The following TOM1L1 variants were observed in gnomAD, a reference collection of about 807,000 sequenced individuals.
TOM1L1 encodes the protein TOM1-like protein 1.
Under a neutral mutation model 63.4 loss-of-function variants are expected in TOM1L1, and 64 were observed. The ratio of observed to expected loss-of-function variants is 1.01; its 90% CI spans 0.83 to 1.24. The LOEUF is 1.24. Among genes scored for constraint, TOM1L1 ranks in the 50% most tolerant of loss-of-function variants. The pLI is 0.00. For missense variants in TOM1L1, 536 were observed against 567.0 expected (o/e 0.95, Z 0.55); for synonymous variants, 166 against 194.4 (o/e 0.85, Z 1.22).
rs750795242 is a variant in TOM1L1, at chr17:54,961,788, A to G, written c.*555A>G. The stretch of plus-strand genomic sequence containing the variant: ...TAATTATATTTCAGGTGTCCTGAAC[A>G]GGTCACTAGACTCTACATTGGGCAG... On this transcript the variant is annotated 3_prime_UTR_variant, in exon 16 of 16. Transcript: ENST00000575882. The G allele has an allele frequency of 1.5e-5, 15 of 992,852 alleles. No homozygotes were observed. The highest frequency in any genetic ancestry group is 1.7e-5 in the Non-Finnish European group (14 of 834,436). 61.5% of individuals were successfully genotyped at this position (992,852 alleles called of 1,614,324 possible). A position where few individuals can be genotyped will look rare whatever the true frequency, so the allele number is the denominator to read the frequency against.
At chr17:54,938,779 T>C (rs539389357) in intron 10 of TOM1L1, 145 bp from the exon 11 acceptor site, 1 of 514,598 alleles carries the variant, frequency 1.9e-6, no homozygotes, top group Admixed American at 3.9e-5. Flanking sequence ...GTGACAGAAA[T>C]ATCTAAATTA....
At chr17:54,910,795 A>G (rs2048485407) in intron 3 of TOM1L1, among the ~76,000 whole-genome samples, 1 of 151,922 alleles carries the variant, frequency 6.6e-6, no homozygotes, top group South Asian at 2.1e-4. Flanking sequence ...ATGTTTCTAT[A>G]TTTTCTGATT....
chr17:54,912,869 A>G (rs2048519068), intron 4 of TOM1L1, 54 bp downstream of exon 4: 2 of 1,391,768 alleles, frequency 1.4e-6, no homozygotes, highest in South Asian at 1.6e-5. Flanking sequence ...TAGGGATTTA[A>G]TAGCTTACCT....
At chr17:54,921,821 A>C (rs2048688968) in intron 7 of TOM1L1, among the ~76,000 whole-genome samples, 1 of 152,200 alleles carries the variant, frequency 6.6e-6, no homozygotes, top group African/African-American at 2.4e-5. Context: ...CACTGACCCC[A>C]CAGTGTAGTT....
At chr17:54,933,667 C>T (rs1016874410) in intron 8 of TOM1L1, among the ~76,000 whole-genome samples, 2 of 152,154 alleles carry the variant, frequency 1.3e-5, no homozygotes, top group African/African-American at 4.8e-5. Context: ...GGACGACAAG[C>T]GTGTACCACC....
intron 5 of TOM1L1, 104 bp downstream of exon 5, chr17:54,913,977 A>G (rs1359241149): frequency 1.6e-5 from 21 of 1,320,954 alleles, no homozygotes; most frequent in Non-Finnish European, 1.6e-5. Context: ...AAGCAAAAAG[A>G]TGAAGTTATT....
chr17:54,955,644 T>C (rs1362859962), intron 14 of TOM1L1, among the ~76,000 whole-genome samples: 2 of 152,156 alleles, frequency 1.3e-5, no homozygotes, highest in Non-Finnish European at 2.9e-5. Flanking sequence ...ATCCTTGTCT[T>C]TTTGTTGGGG....
At chr17:54,942,391 G>A (rs928179817) in intron 11 of TOM1L1, 1 of 152,046 alleles carries the variant, frequency 6.6e-6, no homozygotes, top group Non-Finnish European at 1.5e-5. Context: ...TTACAGGCAT[G>A]AGCCACTGTG....
At chr17:54,916,451 C>A (rs1259608821) in intron 7 of TOM1L1, 1 of 152,266 alleles carries the variant, frequency 6.6e-6, no homozygotes, top group African/African-American at 2.4e-5. Context: ...AGTTCTACAG[C>A]CCTCCTATGC....
rs776297582 is a variant in TOM1L1 at position 54,900,919 on chromosome 17, CAT to C, written c.56_57del (p.Ile19ArgfsTer11). On this transcript the variant is annotated frameshift_variant and splice_region_variant, in exon 1 of 16. Transcript: ENST00000575882. LOFTEE classifies it high-confidence loss of function. The part of the protein sequence containing the change: ...DPYATSVGHL[I>X]EKATFAGVQT... The stretch of plus-strand genomic sequence containing the variant: ...CCTACGCGACCTCCGTGGGCCACCT[CAT>C]AGGTAAGGAGGCGCGGGGAGAGACG... 1.9e-6 allele frequency: 3 copies of C among 1,613,826 alleles called. No individual in the cohort carries two copies. The highest frequency in any genetic ancestry group is 2.5e-6 in the Non-Finnish European group (3 of 1,180,038).
chr17:54,923,645 G>C (rs2048719014), intron 7 of TOM1L1, among the ~76,000 whole-genome samples: 1 of 151,626 alleles, frequency 6.6e-6, no homozygotes, highest in Non-Finnish European at 1.5e-5. Flanking sequence ...TCCTGGATTT[G>C]AGCAATTCTC....
intron 1 of TOM1L1, chr17:54,901,297 G>A (rs964760720): frequency 3.7e-5 from 10 of 270,958 alleles, no homozygotes; most frequent in African/African-American, 2.2e-4. Context: ...GTATTGTTAT[G>A]CCCGTTTTAC....
At chr17:54,924,636 T>C (rs914223832) in intron 7 of TOM1L1, among the ~76,000 whole-genome samples, 2 of 152,192 alleles carry the variant, frequency 1.3e-5, no homozygotes, top group South Asian at 2.1e-4. Flanking sequence ...GACGCTTTTC[T>C]TGCATGGTCG....
intron 12 of TOM1L1, 121 bp from the exon 13 acceptor site, chr17:54,949,397 A>G: frequency 1.5e-6 from 1 of 676,134 alleles, no homozygotes; most frequent in Non-Finnish European, 2.5e-6. Flanking sequence ...AATTAAAAAC[A>G]ACTTATTCTT....
intron 6 of TOM1L1, among the ~76,000 whole-genome samples, chr17:54,915,238 G>A (rs2048568274): frequency 6.6e-6 from 1 of 152,086 alleles, no homozygotes. Flanking sequence ...AGATTTTGTT[G>A]TATTATTTTT....
At chr17:54,902,809 A>C (rs1231272208) in intron 1 of TOM1L1, among the ~76,000 whole-genome samples, 2 of 152,176 alleles carry the variant, frequency 1.3e-5, no homozygotes, top group Admixed American at 6.5e-5. Flanking sequence ...TTGTATTCTT[A>C]AAGCGGCTGT....
intron 12 of TOM1L1, 29 bp from the exon 13 acceptor site, chr17:54,949,489 T>C (rs779841203): frequency 1.4e-5 from 21 of 1,543,922 alleles, no homozygotes; most frequent in East Asian, 1.1e-4. Flanking sequence ...GTAGAACGTT[T>C]ATATGAACAT....
In TOM1L1 at chr17:54,912,770, C is replaced by G. The variant is rs2048517623; in HGVS notation, c.327C>G (p.Tyr109Ter). The change falls in exon 4 of 16, where the codon TAC (tyrosine) becomes TAG (stop). Residue 109 changes from tyrosine to a stop codon, truncating the protein, a stop_gained. Transcript: ENST00000575882. LOFTEE classifies it high-confidence loss of function. Reference sequence around the variant, plus strand: ...TAGTTAAGCTACTGAATCCCAGATACAACTTGCCATTAGACATTCAGAATA... The same window carrying G: ...TAGTTAAGCTACTGAATCCCAGATAGAACTTGCCATTAGACATTCAGAATA... The part of the protein sequence containing the change: ...ENLVKLLNPR[Y>*]NLPLDIQNRI... The G allele has an allele frequency of 6.2e-7, 1 of 1,611,704 alleles. No homozygotes were observed. The highest frequency in any genetic ancestry group is 2.2e-5 in the East Asian group (1 of 44,766).
chr17:54,906,476 CAAAA>C (rs57524831), intron 3 of TOM1L1, among the ~76,000 whole-genome samples: 3 of 93,896 alleles, frequency 3.2e-5, no homozygotes. Context: ...GACTCCTTCT[CAAAA>C]AAAAAAAAAA....
Sources: gnomAD v4.1 joint callset for allele counts (sites outside exome capture counted in the v4.1 genomes callset) on GRCh38, gnomAD v4.1.1 for gene constraint, MANE v1.5 for transcripts, NCBI Gene and HGNC (gene_info 2026-07-23, HGNC 2026-07-21) for gene names.